FGB: variants seen among roughly 807,000 people sequenced by gnomAD.
The protein encoded by FGB is beta-fibrinogen.
Under a neutral mutation model 57.9 loss-of-function variants are expected in FGB, and 25 were observed. The ratio of observed to expected loss-of-function variants is 0.43; its 90% CI spans 0.31 to 0.60. The LOEUF is 0.60. FGB is among the 20% of genes least tolerant of loss of function. The probability of loss-of-function intolerance (pLI) is 0.08; values close to 1 mark genes in which losing one functional copy is unlikely to be tolerated. For missense variants in FGB, 536 were observed against 598.4 expected (o/e 0.90, Z 1.09); for synonymous variants, 203 against 199.2 (o/e 1.02, Z -0.16).
chr4:154,569,668 A>T lies in FGB; in HGVS notation c.1113A>T (p.Ser371=). ...ATGAAGCCAACAAATACCAGATCTC[A>T]GTGAACAAATACAGAGGAACAGCCG... ...VQNEANKYQI[S]VNKYRGTAGN... The change falls in exon 7 of 8, where the codon TCA becomes TCT. Residue 371 remains serine (S), a synonymous_variant. Coordinates refer to ENST00000302068, the MANE Select transcript of FGB (RefSeq NM_005141.5). 6.2e-7 allele frequency: 1 copy of T among 1,614,168 alleles called. No homozygotes were observed. The highest frequency in any genetic ancestry group is 8.5e-7 in the Non-Finnish European group (1 of 1,180,010).
At chr4:154,566,293 T>G (rs373774732) in intron 2 of FGB, among the ~76,000 whole-genome samples, 196 bp from the exon 3 acceptor site, 13 of 152,302 alleles carry the variant, frequency 8.5e-5, no homozygotes, top group African/African-American at 2.9e-4. Flanking sequence ...CCCAATTATA[T>G]TTTTTCTGGG....
At chr4:154,566,962 A>C (rs1258512569) in intron 3 of FGB, among the ~76,000 whole-genome samples, 2 of 152,156 alleles carry the variant, frequency 1.3e-5, no homozygotes, top group Non-Finnish European at 2.9e-5. Context: ...GTGGAAAAAA[A>C]CCCCTAGCAT....
At chr4:154,565,616 G>A in intron 1 of FGB, 192 bp from the exon 2 acceptor site, 1 of 603,730 alleles carries the variant, frequency 1.7e-6, no homozygotes, top group Non-Finnish European at 3.0e-6. Context: ...GCTTTTTTGT[G>A]CAGTTGGTCT....
chr4:154,568,624 T>C (rs1435650194), intron 5 of FGB, 130 bp downstream of exon 5: 15 of 693,208 alleles, frequency 2.2e-5, no homozygotes, highest in African/African-American at 3.7e-5. Context: ...AGTGGGCTGA[T>C]AGCTTGAGCC....
chr4:154,570,891 A>ATATG lies in FGB; in HGVS notation c.*241_*242insTATG. On this transcript the variant is annotated 3_prime_UTR_variant, in exon 8 of 8. Transcript: ENST00000302068. ...TAGTTTTGACAGAGTTGGTGTTCAT[A>ATATG]ATTTCAGTTCTAGTTGATTGCGAGA... 1 of 536,592 alleles carries ATATG rather than the reference A, an allele frequency of 1.9e-6. No homozygotes were observed. The highest frequency in any genetic ancestry group is 3.4e-6 in the Non-Finnish European group (1 of 297,996). 33.2% of individuals were successfully genotyped at this position (536,592 alleles called of 1,614,324 possible).
chr4:154,571,302 A>G lies in FGB; in HGVS notation c.*652A>G, dbSNP rs1730415185. On this transcript the variant is annotated 3_prime_UTR_variant, in exon 8 of 8. Coordinates refer to ENST00000302068, the MANE Select transcript of FGB (RefSeq NM_005141.5). The stretch of plus-strand genomic sequence containing the variant: ...GCGGTCACAAGGTCAGGAGTTCAAG[A>G]CCAGCCTGACCAATATGGTGAAACC... Among the ~76,000 whole-genome samples the G allele has an allele frequency of 6.6e-6, 1 of 151,888 alleles. No individual in the cohort carries two copies. Among genetic ancestry groups the G allele is most frequent in the Admixed American group, 6.6e-5 (1 of 15,236 alleles).
rs550430161 is a variant in FGB, at chr4:154,568,576, T to C, written c.832+82T>C. ...TGCCAGGAAACAAGGCCAGGTGTGGTGGCTCATACCTGTAATTCCAGCACC... is the reference window on the plus strand; with the variant it reads ...TGCCAGGAAACAAGGCCAGGTGTGGCGGCTCATACCTGTAATTCCAGCACC... On this transcript the variant is annotated intron_variant, in intron 5 of 7. Coordinates refer to ENST00000302068, the MANE Select transcript of FGB (RefSeq NM_005141.5). 179 of 829,642 alleles carry C rather than the reference T, an allele frequency of 2.2e-4. 1 individual carries two copies. The African/African-American group carries it at 2.6e-3, about 12-fold the overall frequency. 51.4% of individuals were successfully genotyped at this position (829,642 alleles called of 1,614,324 possible).
chr4:154,567,812 C>T lies in FGB; in HGVS notation c.710C>T (p.Ser237Phe), dbSNP rs1180178814. The change falls in exon 4 of 8, where the codon TCT becomes TTT. Residue 237 changes from serine (S) to phenylalanine (F), a missense_variant. This residue lies in a region of FGB where 354 missense variants were observed against 383.4 expected (regional missense o/e 0.92). Coordinates refer to ENST00000302068, the MANE Select transcript of FGB (RefSeq NM_005141.5). ...CTVSCNIPVV[S>F]GKECEEIIRK... ...GTCAGTTGCAATATTCCTGTGGTGT[C>T]TGGCAAAGGTAACTGATTCATAAAC... is the stretch of plus-strand genomic sequence containing the variant. The T allele has an allele frequency of 4.3e-6, 7 of 1,610,214 alleles. No individual in the cohort carries two copies. Among genetic ancestry groups the T allele is most frequent in the Non-Finnish European group, 5.9e-6 (7 of 1,176,728 alleles).
Position 154,570,827 on chromosome 4 carries a change from T to G in FGB, c.*177T>G. On this transcript the variant is annotated 3_prime_UTR_variant, in exon 8 of 8. Coordinates refer to ENST00000302068, the MANE Select transcript of FGB (RefSeq NM_005141.5). ...AAATAGCACATGATTTTCTTTTGTT[T>G]TCTTCATTTCTCTTGCTCACCAAGA... 1.5e-6 allele frequency: 1 copy of G among 649,616 alleles called. No individual in the cohort carries two copies. The allele number at this position is 649,616 out of a possible 1,614,324, so 40.2% of individuals were successfully genotyped here. A position where few individuals can be genotyped will look rare whatever the true frequency, so the allele number is the denominator to read the frequency against.
At chr4:154,565,536 G>A in intron 1 of FGB, 3 of 446,912 alleles carry the variant, frequency 6.7e-6, no homozygotes, top group South Asian at 2.5e-5. Flanking sequence ...AGGAATATGA[G>A]GTCATTACTA....
chr4:154,566,497 G>T lies in FGB; in HGVS notation c.315G>T (p.Leu105Phe), dbSNP rs1730166139. The T allele has an allele frequency of 6.2e-7, 1 of 1,613,970 alleles. No individual in the cohort carries two copies. The highest frequency in any genetic ancestry group is 1.7e-5 in the Admixed American group (1 of 60,004). Residue 105 changes from leucine (L) to phenylalanine (F), a missense_variant, in exon 3 of 8, where the codon TTG becomes TTT. Physicochemically the swap from Leu to Phe is conservative, Grantham distance 22. This residue lies in a region of FGB where 354 missense variants were observed against 383.4 expected (regional missense o/e 0.92). Transcript: ENST00000302068. ...CLHADPDLGV[L>F]CPTGCQLQEA... is the part of the protein sequence containing the mutation. ...ATTTTCTTTGTTTTTAGGGGGTGTT[G>T]TGTCCTACAGGATGTCAGTTGCAAG...
chr4:154,564,862 A>G (rs919081601), intron 1 of FGB, among the ~76,000 whole-genome samples: 5 of 152,196 alleles, frequency 3.3e-5, no homozygotes, highest in Non-Finnish European at 7.3e-5. Context: ...TAAGTTAGCA[A>G]GTAATTTTAA....
intron 1 of FGB, 74 bp downstream of exon 1, chr4:154,563,206 CT>C: frequency 1.5e-6 from 1 of 683,266 alleles, no homozygotes; most frequent in South Asian, 1.9e-5. Flanking sequence ...ATATTATGTG[CT>C]TATTTTAATG....
In FGB at chr4:154,570,498, C is replaced by T; in HGVS notation, c.1324C>T (p.Pro442Ser). 6.2e-7 allele frequency: 1 copy of T among 1,614,098 alleles called. No homozygotes were observed. Among genetic ancestry groups the T allele is most frequent in the Non-Finnish European group, 8.5e-7 (1 of 1,180,012 alleles). Reference sequence around the variant, plus strand: ...GTATAATAGATGTCATGCAGCCAATCCAAACGGCAGATACTACTGGGGTGG... The same window carrying T: ...GTATAATAGATGTCATGCAGCCAATTCAAACGGCAGATACTACTGGGGTGG... ...WWYNRCHAAN[P>S]NGRYYWGGQY... The change falls in exon 8 of 8, where the codon CCA (proline) becomes TCA (serine). Residue 442 changes from proline (P) to serine (S), a missense_variant. Physicochemically the swap from Pro to Ser is moderately conservative, Grantham distance 74. Coordinates refer to ENST00000302068, the MANE Select transcript of FGB (RefSeq NM_005141.5).
chr4:154,565,105 G>T (rs1730100497), intron 1 of FGB: 2 of 403,720 alleles, frequency 5.0e-6, no homozygotes, highest in Admixed American at 3.0e-5. Flanking sequence ...CTGTTCTGAG[G>T]GTACCATATG....
intron 1 of FGB, among the ~76,000 whole-genome samples, chr4:154,563,868 A>G (rs1180511330): frequency 2.6e-5 from 4 of 152,032 alleles, no homozygotes; most frequent in Non-Finnish European, 5.9e-5. Context: ...CATCAAACGT[A>G]TCATGGCCAA....
At position 154,569,595 on chromosome 4, in the gene FGB, G is replaced by A; in HGVS notation, c.1040G>A (p.Trp347Ter). 2 of 1,614,056 alleles carry A rather than the reference G, an allele frequency of 1.2e-6. No individual in the cohort carries two copies. The highest frequency in any genetic ancestry group is 1.7e-6 in the Non-Finnish European group (2 of 1,179,984). Residue 347 changes from tryptophan (W) to a stop codon, truncating the protein, a stop_gained, in exon 7 of 8, where the codon TGG (tryptophan) becomes TAG (stop). Coordinates refer to ENST00000302068, the MANE Select transcript of FGB (RefSeq NM_005141.5). LOFTEE classifies it high-confidence loss of function. The stretch of plus-strand genomic sequence containing the variant: ...GAACTTTTGATAGAAATGGAGGACT[G>A]GAAAGGAGACAAAGTAAAGGCTCAC... ...PTELLIEMEDWKGDKVKAHYG... is the reference protein window; with the variant it reads ...PTELLIEMED
At chr4:154,569,113 A>T in intron 5 of FGB, 69 bp from the exon 6 acceptor site, 3 of 1,525,288 alleles carry the variant, frequency 2.0e-6, no homozygotes, top group Non-Finnish European at 2.7e-6. Flanking sequence ...GGGGATTCAG[A>T]TATTATTTTC....
At chr4:154,563,161 T>C (rs772778098) in intron 1 of FGB, 29 bp downstream of exon 1, 15 of 879,304 alleles carry the variant, frequency 1.7e-5, no homozygotes, top group Non-Finnish European at 1.8e-5. Flanking sequence ...TATTATATTA[T>C]TAGTAGTATT....
Sources: allele counts gnomAD v4.1 joint callset (sites outside exome capture counted in the v4.1 genomes callset), GRCh38; gene constraint gnomAD v4.1.1; regional missense constraint gnomAD v4.1.1; transcripts MANE v1.5; gene names NCBI Gene and HGNC (gene_info 2026-07-23, HGNC 2026-07-21).